The following EPS8 variants were observed in gnomAD, a reference collection of about 807,000 sequenced individuals.
EPS8 encodes the protein epidermal growth factor receptor kinase substrate 8.
Under a neutral mutation model 103.8 loss-of-function variants are expected in EPS8, and 42 were observed. The ratio of observed to expected loss-of-function variants is 0.40; its 90% CI spans 0.32 to 0.52. The LOEUF (loss-of-function observed/expected upper bound fraction) is 0.52. Among genes scored for constraint, EPS8 ranks in the 20% least tolerant of loss-of-function variants. The probability of loss-of-function intolerance (pLI) is 0.40; values close to 1 mark genes in which losing one functional copy is unlikely to be tolerated. For synonymous variants in EPS8, 344 were observed against 344.6 expected (o/e 1.00, Z 0.02); for missense variants, 969 against 1,005.1 (o/e 0.96, Z 0.49).
At chr12:15,756,241 G>A (rs1328212425) in intron 1 of EPS8, among the ~76,000 whole-genome samples, 1 of 152,124 alleles carries the variant, frequency 6.6e-6, no homozygotes, top group East Asian at 1.9e-4. Flanking sequence ...GACCACATTA[G>A]CAAAGTAGTC....
At chr12:15,732,692 A>G (rs147865103) in intron 1 of EPS8, 1 of 750,478 alleles carries the variant, frequency 1.3e-6, no homozygotes, top group African/African-American at 1.9e-5. Flanking sequence ...CTAAGAAACA[A>G]CATTTCTTAA....
chr12:15,666,329 C>T lies in EPS8; in HGVS notation c.599+111G>A, dbSNP rs576323745. ...ATGTGTTGAGACTACAGGTTATGATCTATACAATACAATAATATACTTCCA... is the reference window on the plus strand; with the variant it reads ...ATGTGTTGAGACTACAGGTTATGATTTATACAATACAATAATATACTTCCA... On this transcript the variant is annotated intron_variant, in intron 7 of 20. Coordinates refer to ENST00000281172, the MANE Select transcript of EPS8 (RefSeq NM_004447.6). The T allele has an allele frequency of 5.3e-6, 4 of 757,134 alleles. No individual in the cohort carries two copies. The East Asian group carries it at 8.1e-5, about 15-fold the overall frequency. The allele number at this position is 757,134 out of a possible 1,614,324, so 46.9% of individuals were successfully genotyped here. A position where few individuals can be genotyped will look rare whatever the true frequency, so the allele number is the denominator to read the frequency against.
Position 15,727,941 on chromosome 12 carries a change from T to C in EPS8, c.-21-44969A>G, listed in dbSNP as rs1462185124. Among the ~76,000 whole-genome samples the C allele has an allele frequency of 6.6e-6, 1 of 152,208 alleles. No homozygotes were observed. Among genetic ancestry groups the C allele is most frequent in the Non-Finnish European group, 1.5e-5 (1 of 68,040 alleles). On this transcript the variant is annotated intron_variant, in intron 1 of 20. Transcript: ENST00000281172. The surrounding 1 kb of genome is among the most constrained non-coding windows in gnomAD (Gnocchi z 4.3). ...AGATGGTTCTCCCATAATGCTTTAA[T>C]AAATGATGAAAAACTTATAACTGCA...
At position 15,717,144 on chromosome 12, in the gene EPS8, G is replaced by C. The variant is rs1198867448; in HGVS notation, c.-21-34172C>G. Among the ~76,000 whole-genome samples the C allele has an allele frequency of 1.3e-5, 2 of 152,264 alleles. No individual in the cohort carries two copies. The highest frequency in any genetic ancestry group is 2.9e-5 in the Non-Finnish European group (2 of 68,030). ...AGGAGATGCAATATGACTTATCTTT[G>C]GGAGAATCATATCTAACTACAATTA... On this transcript the variant is annotated intron_variant, in intron 1 of 20. Transcript: ENST00000281172. The surrounding 1 kb of genome is among the most constrained non-coding windows in gnomAD (Gnocchi z 4.3).
intron 18 of EPS8, among the ~76,000 whole-genome samples, chr12:15,627,385 A>C (rs760451568): frequency 6.6e-6 from 1 of 152,094 alleles, no homozygotes; most frequent in Non-Finnish European, 1.5e-5. Flanking sequence ...TTTTGCTTGC[A>C]TCTATATCCT....
chr12:15,739,787 C>A (rs1591910572), intron 1 of EPS8, among the ~76,000 whole-genome samples: 1 of 152,136 alleles, frequency 6.6e-6, no homozygotes, highest in South Asian at 2.1e-4. Context: ...CATCCATCCA[C>A]CCATCCATCC....
intron 10 of EPS8, among the ~76,000 whole-genome samples, chr12:15,659,066 A>G (rs1945558187): frequency 6.6e-6 from 1 of 152,174 alleles, no homozygotes; most frequent in South Asian, 2.1e-4. Context: ...TGGGAAAAAC[A>G]TCATGGTTGG....
chr12:15,667,818 CT>C (rs1945742727), intron 6 of EPS8, among the ~76,000 whole-genome samples: 1 of 152,134 alleles, frequency 6.6e-6, no homozygotes, highest in South Asian at 2.1e-4. Flanking sequence ...GCATACAGTG[CT>C]TCGTGGTATG....
rs139887913 is a variant in EPS8, at chr12:15,735,438, G to A, written c.-21-52466C>T. Among the ~76,000 whole-genome samples, 2 of 152,150 alleles carry A rather than the reference G, an allele frequency of 1.3e-5. No homozygotes were observed. Among genetic ancestry groups the A allele is most frequent in the African/African-American group, 2.4e-5 (1 of 41,488 alleles). ...GAAGGATCAAATATTGTCTTATGGCGCATCCCACGTTAATGCTACTTGACT... is the reference window on the plus strand; with the variant it reads ...GAAGGATCAAATATTGTCTTATGGCACATCCCACGTTAATGCTACTTGACT... On this transcript the variant is annotated intron_variant, in intron 1 of 20. Transcript: ENST00000281172. The surrounding 1 kb of genome is among the most constrained non-coding windows in gnomAD (Gnocchi z 4.4).
chr12:15,699,811 T>TACTTC (rs1325532803), intron 1 of EPS8, among the ~76,000 whole-genome samples: 1 of 152,214 alleles, frequency 6.6e-6, no homozygotes, highest in Non-Finnish European at 1.5e-5. Flanking sequence ...CACTACTTTA[T>TACTTC]ACTTCCCATC....
intron 1 of EPS8, among the ~76,000 whole-genome samples, chr12:15,783,280 A>C (rs1235301056): frequency 6.6e-6 from 1 of 152,212 alleles, no homozygotes; most frequent in African/African-American, 2.4e-5. Context: ...AGTTTATTGT[A>C]AGAATACAAT....
chr12:15,688,045 G>C lies in EPS8; in HGVS notation c.-21-5073C>G, dbSNP rs1946119395. The stretch of plus-strand genomic sequence containing the variant: ...AAACAAACAGACTGCCATTTGTGTG[G>C]TATTTTGAAGCTTAATAAAATCACA... On this transcript the variant is annotated intron_variant, in intron 1 of 20. Coordinates refer to ENST00000281172, the MANE Select transcript of EPS8 (RefSeq NM_004447.6). This position sits in a 1 kb window ranked among gnomAD's most constrained non-coding sequence, Gnocchi z 5.1. 6.6e-6 allele frequency among the ~76,000 whole-genome samples: 1 copy of C among 152,152 alleles called. No individual in the cohort carries two copies. The highest frequency in any genetic ancestry group is 1.5e-5 in the Non-Finnish European group (1 of 68,032).
rs1249640354 is a variant in EPS8 at position 15,772,869 on chromosome 12, T to G, written c.-22+16292A>C. Among the ~76,000 whole-genome samples, 1 of 152,114 alleles carries G rather than the reference T, an allele frequency of 6.6e-6. No homozygotes were observed. The highest frequency in any genetic ancestry group is 2.4e-5 in the African/African-American group (1 of 41,422). On this transcript the variant is annotated intron_variant, in intron 1 of 20. Coordinates refer to ENST00000281172, the MANE Select transcript of EPS8 (RefSeq NM_004447.6). The surrounding 1 kb of genome is among the most constrained non-coding windows in gnomAD (Gnocchi z 5.0). ...ACCAGAAACCCTAAATGGTAAAAAT[T>G]CATAGTGAACGAGACACAGTTTATG...
intron 9 of EPS8, among the ~76,000 whole-genome samples, chr12:15,661,623 G>A (rs1945606725): frequency 6.6e-6 from 1 of 152,036 alleles, no homozygotes; most frequent in Non-Finnish European, 1.5e-5. Context: ...CTTTAAAAAT[G>A]CCACTTAACT....
At chr12:15,673,318 T>C (rs1219214610) in intron 3 of EPS8, among the ~76,000 whole-genome samples, 2 of 145,830 alleles carry the variant, frequency 1.4e-5, no homozygotes, top group Non-Finnish European at 1.5e-5. Flanking sequence ...AATGGACTTA[T>C]AAATAAACTA....
At chr12:15,672,650 T>C (rs565896609) in intron 3 of EPS8, 79 of 394,050 alleles carry the variant, frequency 2.0e-4, no homozygotes, top group Admixed American at 9.7e-4. Flanking sequence ...TGATTAGTTG[T>C]TGAGGATTAA....
chr12:15,763,949 C>T (rs1210194903), intron 1 of EPS8, among the ~76,000 whole-genome samples: 1 of 152,108 alleles, frequency 6.6e-6, no homozygotes, highest in Non-Finnish European at 1.5e-5. Context: ...CAACAATATT[C>T]GGCATGGTAT....
intron 1 of EPS8, among the ~76,000 whole-genome samples, chr12:15,720,685 C>T (rs1178283304): frequency 6.6e-6 from 1 of 152,124 alleles, no homozygotes; most frequent in East Asian, 1.9e-4. Flanking sequence ...CTTACTGTCA[C>T]CTAAAAGCCC....
At chr12:15,708,184 A>T (rs1946413983) in intron 1 of EPS8, among the ~76,000 whole-genome samples, 1 of 152,228 alleles carries the variant, frequency 6.6e-6, no homozygotes, top group Non-Finnish European at 1.5e-5. Context: ...ATCAGACTCG[A>T]TTCAAGAATT....
Sources: allele counts gnomAD v4.1 joint callset (sites outside exome capture counted in the v4.1 genomes callset), GRCh38; gene constraint gnomAD v4.1.1; non-coding constraint Gnocchi (gnomAD v3.1); transcripts MANE v1.5; gene names NCBI Gene and HGNC (gene_info 2026-07-23, HGNC 2026-07-21).